FYCO1: variants seen among roughly 807,000 people sequenced by gnomAD.
The protein encoded by FYCO1 is FYVE and coiled-coil domain-containing protein 1.
In FYCO1, 122 loss-of-function variants were observed where a neutral mutation model predicts 165.1. That is an observed-to-expected ratio of 0.74 (90% CI 0.64 to 0.86). FYCO1 has a LOEUF of 0.86. FYCO1 is among the 40% of genes least tolerant of loss of function. The pLI is 0.00. For synonymous variants in FYCO1, 648 were observed against 742.5 expected, an observed-to-expected ratio of 0.87 and a Z score of 2.07; for missense variants, 1,702 against 1,810.3, an observed-to-expected ratio of 0.94 and a Z score of 1.09.
intron 1 of FYCO1, among the ~76,000 whole-genome samples, chr3:45,989,175 C>G (rs1341868254): frequency 6.6e-6 from 1 of 152,186 alleles, no homozygotes; most frequent in Non-Finnish European, 1.5e-5. Context: ...AGAGAGGACA[C>G]CTTACAGTTG....
At chr3:45,946,918 C>A (rs769793295) in intron 14 of FYCO1, 2 of 1,614,096 alleles carry the variant, frequency 1.2e-6, no homozygotes, top group African/African-American at 2.7e-5. Flanking sequence ...AAGAGGATGA[C>A]CTGGGGCAAG....
intron 6 of FYCO1, among the ~76,000 whole-genome samples, chr3:45,970,891 A>G (rs1216923546): frequency 5.3e-5 from 8 of 151,792 alleles, no homozygotes. Flanking sequence ...AACTATATAT[A>G]TATACATATA....
chr3:45,989,041 C>T (rs2125879485), intron 1 of FYCO1, among the ~76,000 whole-genome samples: 1 of 152,296 alleles, frequency 6.6e-6, no homozygotes, highest in Non-Finnish European at 1.5e-5. Flanking sequence ...CTGGCTCAGA[C>T]AGCATCTGAG....
rs1705249623 is a variant in FYCO1 at position 45,955,357 on chromosome 3, A to T, written c.3836T>A (p.Val1279Glu). 8 of 1,614,200 alleles carry T rather than the reference A, an allele frequency of 5.0e-6. No individual in the cohort carries two copies. Among genetic ancestry groups the T allele is most frequent in the Non-Finnish European group, 6.8e-6 (8 of 1,180,036 alleles). ...NTDYRPPDDAVFDIITDEELC... is the reference protein window; with the variant it reads ...NTDYRPPDDAEFDIITDEELC... ...TTCCTCATCTGTGATGATATCAAACACAGCGTCGTCCGGTGGCCTGTAGTC... is the reference window on the plus strand; with the variant it reads ...TTCCTCATCTGTGATGATATCAAACTCAGCGTCGTCCGGTGGCCTGTAGTC... The change falls in exon 14 of 18, where the codon GTG becomes GAG. Residue 1279 changes from valine (V) to glutamate (E), a missense_variant. Coordinates refer to ENST00000296137, the MANE Select transcript of FYCO1 (RefSeq NM_024513.4).
At chr3:45,970,818 G>T (rs1328834752) in intron 6 of FYCO1, among the ~76,000 whole-genome samples, 3 of 151,872 alleles carry the variant, frequency 2.0e-5, no homozygotes, top group Non-Finnish European at 2.9e-5. Flanking sequence ...AAAAAAGCAG[G>T]TTGCAAAGGA....
In FYCO1 at chr3:45,930,011, C is replaced by G. The variant is rs61224731; in HGVS notation, c.4251+1060G>C. On this transcript the variant is annotated intron_variant, in intron 16 of 17. Coordinates refer to ENST00000296137, the MANE Select transcript of FYCO1 (RefSeq NM_024513.4). The stretch of plus-strand genomic sequence containing the variant: ...AGCCCCTCGAGGGCACCCAGTGGAC[C>G]AAACACACAAGGGACTATTAGATGT... Among the ~76,000 whole-genome samples, 163 of 152,306 alleles carry G rather than the reference C, an allele frequency of 1.1e-3. 1 individual carries two copies. The highest frequency in any genetic ancestry group is 3.4e-3 in the Middle Eastern group (1 of 294).
rs7129 is a variant in FYCO1 at position 45,918,267 on chromosome 3, T to C, written c.*3498A>G. On this transcript the variant is annotated 3_prime_UTR_variant, in exon 18 of 18. Transcript: ENST00000296137. ...TTTCTTTTTTTAAATCAGAGATGCCTCCCCAAATTTCAAGATGTACTTTAT... is the reference window on the plus strand; with the variant it reads ...TTTCTTTTTTTAAATCAGAGATGCCCCCCCAAATTTCAAGATGTACTTTAT... 55,801 of 152,310 alleles carry C rather than the reference T, an allele frequency of 0.37. 11,391 individuals are homozygous for C. Among genetic ancestry groups the C allele is most frequent in the East Asian group, 0.65 (3,364 of 5,174 alleles). 9.4% of individuals were successfully genotyped at this position (152,310 alleles called of 1,614,324 possible).
chr3:45,952,376 T>C (rs1482307733), intron 14 of FYCO1, among the ~76,000 whole-genome samples: 1 of 152,198 alleles, frequency 6.6e-6, no homozygotes, highest in African/African-American at 2.4e-5. Flanking sequence ...CTCTCGGTGT[T>C]TTTGGTTTAG....
At chr3:45,969,813 A>G in intron 6 of FYCO1, 48 bp from the exon 7 acceptor site, 1 of 1,530,162 alleles carries the variant, frequency 6.5e-7, no homozygotes, top group Non-Finnish European at 9.0e-7. Flanking sequence ...CAGGAAACCT[A>G]ACACATGGAG....
rs1362152158 is a variant in FYCO1, at chr3:45,993,978, C to T, written c.-113+1744G>A. 2.0e-5 allele frequency among the ~76,000 whole-genome samples: 3 copies of T among 152,204 alleles called. No individual in the cohort carries two copies. Among genetic ancestry groups the T allele is most frequent in the African/African-American group, 7.2e-5 (3 of 41,436 alleles). On this transcript the variant is annotated intron_variant, in intron 1 of 17. Coordinates refer to ENST00000296137, the MANE Select transcript of FYCO1 (RefSeq NM_024513.4). This position sits in a 1 kb window ranked among gnomAD's most constrained non-coding sequence, Gnocchi z 4.4. The stretch of plus-strand genomic sequence containing the variant: ...TACTTTGTATTCTTGAGTCAGCAGT[C>T]CATAGCCTTGGTGACCAATATGGGT...
chr3:45,980,342 T>C (rs1283113062), intron 3 of FYCO1, among the ~76,000 whole-genome samples: 1 of 138,134 alleles, frequency 7.2e-6, no homozygotes, highest in Non-Finnish European at 1.6e-5. Flanking sequence ...AGAGTGAAAC[T>C]CTGTCTCAAA....
At chr3:45,973,785 C>G (rs887518604) in intron 5 of FYCO1, among the ~76,000 whole-genome samples, 3 of 152,200 alleles carry the variant, frequency 2.0e-5, no homozygotes, top group African/African-American at 7.2e-5. Context: ...CATCAGAACA[C>G]AGTCGCTCAT....
chr3:45,949,861 C>T (rs2125827419), intron 14 of FYCO1, among the ~76,000 whole-genome samples: 1 of 152,346 alleles, frequency 6.6e-6, no homozygotes, highest in East Asian at 1.9e-4. Flanking sequence ...GCCTCCTCAG[C>T]CACTAATTGA....
chr3:45,952,860 T>C (rs575847260), intron 14 of FYCO1, among the ~76,000 whole-genome samples: 5 of 152,144 alleles, frequency 3.3e-5, no homozygotes, highest in Admixed American at 1.3e-4. Context: ...GCTTTCCAGG[T>C]GATGGAGGCA....
At chr3:45,984,743 A>G (rs1707231784) in intron 2 of FYCO1, 113 bp downstream of exon 2, 9 of 1,076,978 alleles carry the variant, frequency 8.4e-6, no homozygotes, top group Non-Finnish European at 1.2e-5. Context: ...GAGGACTCCA[A>G]TTACTCGTTG....
intron 16 of FYCO1, among the ~76,000 whole-genome samples, chr3:45,927,856 C>T (rs1304529347): frequency 3.9e-5 from 6 of 152,234 alleles, no homozygotes; most frequent in Admixed American, 6.5e-5. Context: ...TGCACACCCT[C>T]GCACTCACTA....
intron 8 of FYCO1, 43 bp downstream of exon 8, chr3:45,966,234 C>G: frequency 6.2e-7 from 1 of 1,604,576 alleles, no homozygotes; most frequent in Non-Finnish European, 8.5e-7. Flanking sequence ...CCAGGCCTGC[C>G]CAGGGAGAGG....
At chr3:45,939,119 G>C (rs948800908) in intron 14 of FYCO1, among the ~76,000 whole-genome samples, 1 of 152,164 alleles carries the variant, frequency 6.6e-6, no homozygotes, top group Non-Finnish European at 1.5e-5. Flanking sequence ...CTTTCCTTCC[G>C]AGTTTCTGTC....
chr3:45,974,677 T>C (rs1175801652), intron 5 of FYCO1, among the ~76,000 whole-genome samples: 3 of 152,136 alleles, frequency 2.0e-5, no homozygotes, highest in Non-Finnish European at 2.9e-5. Flanking sequence ...ACACCCATTC[T>C]CCCCTTTATA....
Sources: allele counts gnomAD v4.1 joint callset (sites outside exome capture counted in the v4.1 genomes callset), GRCh38; gene constraint gnomAD v4.1.1; non-coding constraint Gnocchi (gnomAD v3.1); transcripts MANE v1.5; gene names NCBI Gene and HGNC (gene_info 2026-07-23, HGNC 2026-07-21).